The following PLAGL1 variants were observed in gnomAD, a reference collection of about 807,000 sequenced individuals.
PLAGL1 encodes the protein zinc finger protein PLAGL1.
Under a neutral mutation model 4.6 loss-of-function variants are expected in PLAGL1, and 1 was observed. The observed-to-expected ratio is 0.22, with a 90% CI of 0.08 to 1.03. PLAGL1 has a LOEUF of 1.03. Ranked by LOEUF, PLAGL1 falls within the 50% of genes least tolerant of loss-of-function variation. The probability of loss-of-function intolerance (pLI) is 0.58; values close to 1 mark genes in which losing one functional copy is unlikely to be tolerated. For synonymous variants in PLAGL1, 240 were observed against 237.8 expected (o/e 1.01, Z -0.08); for missense variants, 464 against 570.4 (o/e 0.81, Z 1.90).
Position 143,973,508 on chromosome 6 carries a change from C to T in PLAGL1, c.-543-4530G>A, listed in dbSNP as rs964479832. 6.6e-6 allele frequency among the ~76,000 whole-genome samples: 1 copy of T among 152,198 alleles called. No individual in the cohort carries two copies. The highest frequency in any genetic ancestry group is 1.5e-5 in the Non-Finnish European group (1 of 68,032). On this transcript the variant is annotated intron_variant, in intron 2 of 7. Coordinates refer to ENST00000674357, the MANE Select transcript of PLAGL1 (RefSeq NM_001317162.2). This position sits in a 1 kb window ranked among gnomAD's most constrained non-coding sequence, Gnocchi z 6.2. ...GGAAGTCCTCTGCTTCTAGGGCCTGCTGAGCTTCAATGGCCCCCTGACATT... is the reference window on the plus strand; with the variant it reads ...GGAAGTCCTCTGCTTCTAGGGCCTGTTGAGCTTCAATGGCCCCCTGACATT...
intron 1 of PLAGL1, among the ~76,000 whole-genome samples, chr6:144,032,707 G>A (rs942181124): frequency 2.6e-5 from 4 of 151,944 alleles, no homozygotes; most frequent in South Asian, 4.1e-4. Flanking sequence ...GATTACAGGC[G>A]TATGCCAACA....
chr6:143,951,176 G>T (rs1380922878), intron 6 of PLAGL1, among the ~76,000 whole-genome samples: 1 of 152,206 alleles, frequency 6.6e-6, no homozygotes. Flanking sequence ...TAAACAGGCT[G>T]CTGGGACAAT....
Position 143,954,111 on chromosome 6 carries a change from AG to A in PLAGL1, c.-324-5652del. On this transcript the variant is annotated intron_variant, in intron 6 of 7. Transcript: ENST00000674357. This position sits in a 1 kb window ranked among gnomAD's most constrained non-coding sequence, Gnocchi z 5.1. ...AGAAAAGAGCAAACCATAAGGACAA[AG>A]GGGGTTTCCTCCAGGGGTCGCCACC... Among the ~76,000 whole-genome samples, 1 of 152,114 alleles carries A rather than the reference AG, an allele frequency of 6.6e-6. No homozygotes were observed. Among genetic ancestry groups the A allele is most frequent in the Non-Finnish European group, 1.5e-5 (1 of 68,012 alleles).
Position 144,006,190 on chromosome 6 carries a change from C to A in PLAGL1, c.-584+1900G>T, listed in dbSNP as rs1794129954. 1 of 150,610 alleles carries A rather than the reference C, an allele frequency of 6.6e-6. No individual in the cohort carries two copies. The highest frequency in any genetic ancestry group is 1.5e-5 in the Non-Finnish European group (1 of 67,658). 9.3% of individuals were successfully genotyped at this position (150,610 alleles called of 1,614,324 possible). A position where few individuals can be genotyped will look rare whatever the true frequency, so the allele number is the denominator to read the frequency against. On this transcript the variant is annotated intron_variant, in intron 1 of 7. Transcript: ENST00000674357. The surrounding 1 kb of genome is among the most constrained non-coding windows in gnomAD (Gnocchi z 4.3). ...ACATTACTGATAAATTCCCTAGGTA[C>A]TCCTCCCTGAGCAAGATTTTTTTTT...
intron 1 of PLAGL1, among the ~76,000 whole-genome samples, chr6:143,999,662 A>G (rs1198444984): frequency 2.0e-5 from 3 of 152,234 alleles, no homozygotes; most frequent in Non-Finnish European, 4.4e-5. Context: ...ATTCTTTGCT[A>G]TAGCAAAAGA....
chr6:144,028,976 C>G (rs1240099552), intron 1 of PLAGL1, among the ~76,000 whole-genome samples: 1 of 152,078 alleles, frequency 6.6e-6, no homozygotes, highest in African/African-American at 2.4e-5. Flanking sequence ...GGAATAATTA[C>G]AGTATTGATT....
In PLAGL1 at chr6:144,004,456, TACATGCA is replaced by T. The variant is rs1459523508; in HGVS notation, c.-584+3627_-584+3633del. Among the ~76,000 whole-genome samples, 3 of 152,232 alleles carry T rather than the reference TACATGCA, an allele frequency of 2.0e-5. No homozygotes were observed. The highest frequency in any genetic ancestry group is 4.4e-5 in the Non-Finnish European group (3 of 68,040). ...AATAAAAAACAAACAAAAATTCTTA[TACATGCA>T]ACATGGATGAATACAATGTGAACAA... is the stretch of plus-strand genomic sequence containing the variant. On this transcript the variant is annotated intron_variant, in intron 1 of 7. Transcript: ENST00000674357. The surrounding 1 kb of genome is among the most constrained non-coding windows in gnomAD (Gnocchi z 4.2).
chr6:144,040,077 C>G (rs1314443647), intron 1 of PLAGL1, among the ~76,000 whole-genome samples: 1 of 152,048 alleles, frequency 6.6e-6, no homozygotes, highest in Non-Finnish European at 1.5e-5. Context: ...TATAAAAATA[C>G]TGCACAGTGA....
rs1554277776 is a variant in PLAGL1, at chr6:144,027,292, A to AAAAAGAAAAAGT, written c.-151+37175_-151+37176insACTTTTTCTTTT. ...GAAAGAAAGAAAGAAAGAAAGAAAG[A>AAAAAGAAAAAGT]AAGTTATTTGATCTGAAGTACAATG... is the stretch of plus-strand genomic sequence containing the variant. On this transcript the variant is annotated intron_variant, in intron 1 of 3. Transcript: ENST00000437412. The surrounding 1 kb of genome is among the most constrained non-coding windows in gnomAD (Gnocchi z 5.8). Among the ~76,000 whole-genome samples, 1 of 142,492 alleles carries AAAAAGAAAAAGT rather than the reference A, an allele frequency of 7.0e-6. No individual in the cohort carries two copies. The highest frequency in any genetic ancestry group is 1.5e-5 in the Non-Finnish European group (1 of 65,024). 93.5% of individuals were successfully genotyped at this position (142,492 alleles called of 152,430 possible).
In PLAGL1 at chr6:143,984,348, A is replaced by G. The variant is rs1397275609; in HGVS notation, c.-544+787T>C. Among the ~76,000 whole-genome samples the G allele has an allele frequency of 6.6e-6, 1 of 152,184 alleles. No individual in the cohort carries two copies. The highest frequency in any genetic ancestry group is 2.4e-5 in the African/African-American group (1 of 41,452). ...TTGTATGGTGAAATATGCTGGAGAA[A>G]CACCACAGACCAAAGGCCATCGATA... On this transcript the variant is annotated intron_variant, in intron 2 of 7. Transcript: ENST00000674357. This position sits in a 1 kb window ranked among gnomAD's most constrained non-coding sequence, Gnocchi z 5.5.
rs1794272135 is a variant in PLAGL1 at position 144,006,691 on chromosome 6, T to C, written c.-584+1399A>G. ...GTGGTGTATAATTTATCTTTCTCCT[T>C]CAGGTAGGCATGAAGGCGGCATCCA... On this transcript the variant is annotated intron_variant, in intron 1 of 7. Coordinates refer to ENST00000674357, the MANE Select transcript of PLAGL1 (RefSeq NM_001317162.2). The surrounding 1 kb of genome is among the most constrained non-coding windows in gnomAD (Gnocchi z 4.3). 6.6e-6 allele frequency: 1 copy of C among 152,150 alleles called. No homozygotes were observed. Among genetic ancestry groups the C allele is most frequent in the African/African-American group, 2.4e-5 (1 of 41,434 alleles). 9.4% of individuals were successfully genotyped at this position (152,150 alleles called of 1,614,324 possible). A position where few individuals can be genotyped will look rare whatever the true frequency, so the allele number is the denominator to read the frequency against.
chr6:144,017,091 C>T (rs961070672), intron 1 of PLAGL1, among the ~76,000 whole-genome samples: 1 of 151,768 alleles, frequency 6.6e-6, no homozygotes, highest in African/African-American at 2.4e-5. Context: ...CATAAAAACT[C>T]GAAAAAATCT....
At chr6:144,049,035 C>T (rs1798388414) in intron 1 of PLAGL1, among the ~76,000 whole-genome samples, 1 of 152,192 alleles carries the variant, frequency 6.6e-6, no homozygotes, top group African/African-American at 2.4e-5. Flanking sequence ...TTGCCAGTTA[C>T]CCTAAATAAT....
Position 143,941,343 on chromosome 6 carries a change from A to C in PLAGL1, c.*81T>G, listed in dbSNP as rs769371400. ...CCATAGTCCCAGTCTCGTTTTCCAAATCTTTCTCATATTGTAACTGACATT... is the reference window on the plus strand; with the variant it reads ...CCATAGTCCCAGTCTCGTTTTCCAACTCTTTCTCATATTGTAACTGACATT... On this transcript the variant is annotated 3_prime_UTR_variant, in exon 8 of 8. Coordinates refer to ENST00000674357, the MANE Select transcript of PLAGL1 (RefSeq NM_001317162.2). This position sits in a 1 kb window ranked among gnomAD's most constrained non-coding sequence, Gnocchi z 6.0. 5.4e-5 allele frequency: 63 copies of C among 1,157,700 alleles called. No individual in the cohort carries two copies. The highest frequency in any genetic ancestry group is 6.3e-5 in the Non-Finnish European group (53 of 839,140). The allele number at this position is 1,157,700 out of a possible 1,614,324, so 71.7% of individuals were successfully genotyped here.
chr6:143,941,297 A>G lies in PLAGL1; in HGVS notation c.*127T>C. On this transcript the variant is annotated 3_prime_UTR_variant, in exon 8 of 8. Transcript: ENST00000674357. The surrounding 1 kb of genome is among the most constrained non-coding windows in gnomAD (Gnocchi z 6.0). The stretch of plus-strand genomic sequence containing the variant: ...GTTCGAGAATTCTCTTATCATCTCA[A>G]GCCAGTCATCACTGAATAAGCCATA... 1 of 660,416 alleles carries G rather than the reference A, an allele frequency of 1.5e-6. No individual in the cohort carries two copies. Among genetic ancestry groups the G allele is most frequent in the South Asian group, 2.7e-5 (1 of 36,636 alleles). 40.9% of individuals were successfully genotyped at this position (660,416 alleles called of 1,614,324 possible).
At chr6:144,028,914 T>C (rs1279695230) in intron 1 of PLAGL1, among the ~76,000 whole-genome samples, 1 of 152,146 alleles carries the variant, frequency 6.6e-6, no homozygotes, top group Non-Finnish European at 1.5e-5. Flanking sequence ...CAAATTACAG[T>C]AATTAATCTG....
In PLAGL1 at chr6:143,940,610, T is replaced by TA. The variant is rs1263513929; in HGVS notation, c.*813_*814insT. 2 of 152,384 alleles carry TA rather than the reference T, an allele frequency of 1.3e-5. No homozygotes were observed. The highest frequency in any genetic ancestry group is 2.9e-5 in the Non-Finnish European group (2 of 68,028). The allele number at this position is 152,384 out of a possible 1,614,324, so 9.4% of individuals were successfully genotyped here. A position where few individuals can be genotyped will look rare whatever the true frequency, so the allele number is the denominator to read the frequency against. ...AAAATTCTTGTTTAATATATATATA[T>TA]TTTTAATTCCAGTAATATTTTCTTA... On this transcript the variant is annotated 3_prime_UTR_variant, in exon 8 of 8. Transcript: ENST00000674357.
upstream of PLAGL1, among the ~76,000 whole-genome samples, chr6:144,011,777 T>C (rs1258590082): frequency 6.6e-6 from 1 of 152,214 alleles, no homozygotes; most frequent in Non-Finnish European, 1.5e-5. This position sits in a 1 kb window ranked among gnomAD's most constrained non-coding sequence, Gnocchi z 4.3. Flanking sequence ...ACATCTGAGA[T>C]TCCTTTAAGT....
intron 1 of PLAGL1, among the ~76,000 whole-genome samples, chr6:143,988,432 C>A (rs1789689895): frequency 6.6e-6 from 1 of 152,160 alleles, no homozygotes; most frequent in Non-Finnish European, 1.5e-5. Flanking sequence ...TAGGTTGGCT[C>A]CACTTCATCA....
Sources: allele counts gnomAD v4.1 joint callset (sites outside exome capture counted in the v4.1 genomes callset), GRCh38; gene constraint gnomAD v4.1.1; non-coding constraint Gnocchi (gnomAD v3.1); transcripts MANE v1.5; gene names NCBI Gene and HGNC (gene_info 2026-07-23, HGNC 2026-07-21).